DCAF12: variants seen among roughly 807,000 people sequenced by gnomAD.
DCAF12 encodes DDB1 and CUL4 associated factor 12.
A neutral mutation model predicts 52.8 loss-of-function variants in DCAF12; 28 were observed. The ratio of observed to expected loss-of-function variants is 0.53; its 90% CI spans 0.39 to 0.73. The LOEUF (loss-of-function observed/expected upper bound fraction) is 0.73, where lower values mean the gene tolerates loss of function less well. Among genes scored for constraint, DCAF12 ranks in the 30% least tolerant of loss-of-function variants. The pLI is 0.00. For synonymous variants in DCAF12, 196 were observed against 215.5 expected, an observed-to-expected ratio of 0.91 and a Z score of 0.79; for missense variants, 425 against 552.2, an observed-to-expected ratio of 0.77 and a Z score of 2.31.
At position 34,109,742 on chromosome 9, in the gene DCAF12, T is replaced by C. The variant is rs1047925015; in HGVS notation, c.334-2177A>G. 6 of 277,192 alleles carry C rather than the reference T, an allele frequency of 2.2e-5. No homozygotes were observed. In the East Asian group the frequency reaches 3.0e-4, roughly 14 times the overall value. The allele number at this position is 277,192 out of a possible 1,614,324, so 17.2% of individuals were successfully genotyped here. ...CTGTTCATGGCCATTGAGCTGGCCCTGGAAGCTCAGGCAGGTGGTGACCCC... is the reference window on the plus strand; with the variant it reads ...CTGTTCATGGCCATTGAGCTGGCCCCGGAAGCTCAGGCAGGTGGTGACCCC... On this transcript the variant is annotated intron_variant, in intron 2 of 8. Coordinates refer to ENST00000361264, the MANE Select transcript of DCAF12 (RefSeq NM_015397.4).
At chr9:34,115,451 CGGCTGG>C (rs1388936200) in intron 2 of DCAF12, among the ~76,000 whole-genome samples, 22 of 19,364 alleles carry the variant, frequency 1.1e-3, no homozygotes, top group Non-Finnish European at 2.2e-3. Flanking sequence ...ATTAGCCGGG[CGGCTGG>C]GCATGGTGGC....
intron 6 of DCAF12, chr9:34,093,922 G>C: frequency 5.9e-6 from 1 of 168,930 alleles, no homozygotes; most frequent in Non-Finnish European, 1.3e-5. Context: ...ACGCCCATGG[G>C]ACTAGCTTAA....
intron 8 of DCAF12, 130 bp from the exon 9 acceptor site, chr9:34,088,638 A>G: frequency 2.0e-6 from 2 of 1,011,784 alleles, no homozygotes; most frequent in Admixed American, 2.3e-5. Flanking sequence ...TCATGTCAGG[A>G]GATTGGCTGG....
chr9:34,120,144 A>C (rs1206239967), intron 2 of DCAF12, among the ~76,000 whole-genome samples: 1 of 131,926 alleles, frequency 7.6e-6, no homozygotes, highest in Non-Finnish European at 1.6e-5. Flanking sequence ...CGGAGGTTGC[A>C]GTGAGCTGAA....
Position 34,093,441 on chromosome 9 carries a change from G to T in DCAF12, c.869C>A (p.Ser290Tyr), listed in dbSNP as rs1395151004. Residue 290 changes from serine (S) to tyrosine (Y), a missense_variant, in exon 7 of 9, where the codon TCC becomes TAC. By Grantham distance (144) the Ser-to-Tyr change is moderately radical. This residue lies in a region of DCAF12 where 328 missense variants were observed against 444.4 expected (regional missense o/e 0.74). Transcript: ENST00000361264. ...KAENTLSKLL[S>Y]TKLPYCRENV... is the part of the protein sequence containing the mutation. ...CTCACGGCAATATGGCAGTTTGGTG[G>T]AGAGGAGCTGAAAATAGAGGAGAGA... 1.2e-6 allele frequency: 2 copies of T among 1,614,092 alleles called. No homozygotes were observed. Among genetic ancestry groups the T allele is most frequent in the Middle Eastern group, 1.6e-4 (1 of 6,062 alleles).
chr9:34,116,356 A>C (rs1270863744), intron 2 of DCAF12, among the ~76,000 whole-genome samples: 1 of 151,900 alleles, frequency 6.6e-6, no homozygotes, highest in East Asian at 1.9e-4. Context: ...TCAAAAATAA[A>C]TAAATAAATA....
At chr9:34,092,570 C>T (rs2131425741) in intron 7 of DCAF12, among the ~76,000 whole-genome samples, 1 of 152,092 alleles carries the variant, frequency 6.6e-6, no homozygotes, top group East Asian at 1.9e-4. Context: ...CCTGTAGTCC[C>T]ACCTACTCGC....
rs115445413 is a variant in DCAF12 at position 34,088,660 on chromosome 9, G to A, written c.1204-152C>T. 1,512 of 789,152 alleles carry A rather than the reference G, an allele frequency of 1.9e-3. 15 individuals are homozygous for A. The African/African-American group carries it at 0.02, about 10-fold the overall frequency. The allele number at this position is 789,152 out of a possible 1,614,324, so 48.9% of individuals were successfully genotyped here. On this transcript the variant is annotated intron_variant, in intron 8 of 8. Transcript: ENST00000361264. ...AGGAGATTGGCTGGTTGGTTCTCAT[G>A]GGAATCAGGGCCTCATTTTTCCAAC...
intron 2 of DCAF12, among the ~76,000 whole-genome samples, chr9:34,122,473 A>AT (rs762013826): frequency 0.058 from 7,443 of 127,680 alleles, 479 homozygotes; most frequent in African/African-American, 0.13. Flanking sequence ...ATTAGTATCA[A>AT]TTTTTTTTTT....
At chr9:34,103,593 C>T (rs1587735305) in intron 4 of DCAF12, among the ~76,000 whole-genome samples, 1 of 152,072 alleles carries the variant, frequency 6.6e-6, no homozygotes, top group Admixed American at 6.6e-5. Flanking sequence ...GTGGCTCATG[C>T]CTGTAATCCC....
intron 4 of DCAF12, among the ~76,000 whole-genome samples, chr9:34,098,819 A>G (rs1735882510): frequency 6.6e-6 from 1 of 152,016 alleles, no homozygotes; most frequent in Non-Finnish European, 1.5e-5. Flanking sequence ...CCCAGGCTGG[A>G]GTGCAGTGGT....
Position 34,126,631 on chromosome 9 carries a change from G to C in DCAF12, c.-200C>G. ...GAGAGGAAGGACTTGAGCCGGGAAAGGGAAGGGGAAGCGAGAATGAGCGGC... is the reference window on the plus strand; with the variant it reads ...GAGAGGAAGGACTTGAGCCGGGAAACGGAAGGGGAAGCGAGAATGAGCGGC... On this transcript the variant is annotated 5_prime_UTR_variant, in exon 1 of 9. Coordinates refer to ENST00000361264, the MANE Select transcript of DCAF12 (RefSeq NM_015397.4). The C allele has an allele frequency of 1.6e-6, 1 of 621,598 alleles. No individual in the cohort carries two copies. Among genetic ancestry groups the C allele is most frequent in the Non-Finnish European group, 2.7e-6 (1 of 369,114 alleles). 38.5% of individuals were successfully genotyped at this position (621,598 alleles called of 1,614,324 possible).
chr9:34,116,302 A>T (rs1439205283), intron 2 of DCAF12, among the ~76,000 whole-genome samples: 1 of 152,058 alleles, frequency 6.6e-6, no homozygotes, highest in Non-Finnish European at 1.5e-5. Context: ...GGCTGCAGAG[A>T]TCGCGCCACT....
chr9:34,123,580 C>A (rs572418424), intron 2 of DCAF12, among the ~76,000 whole-genome samples: 1 of 152,070 alleles, frequency 6.6e-6, no homozygotes, highest in Non-Finnish European at 1.5e-5. Flanking sequence ...CCCCTTGCCC[C>A]AAACACTAGG....
intron 5 of DCAF12, 45 bp from the exon 6 acceptor site, chr9:34,096,826 C>T (rs1427568229): frequency 6.4e-7 from 1 of 1,554,622 alleles, no homozygotes; most frequent in South Asian, 1.1e-5. Flanking sequence ...TCTATAGCAA[C>T]TAATGTACGA....
chr9:34,103,080 G>A lies in DCAF12; in HGVS notation c.601+3354C>T, dbSNP rs576321929. The stretch of plus-strand genomic sequence containing the variant: ...ACTGCATTCCATCCTGGGTGACAGG[G>A]CGAGACCTTAACTCCAAAAAAAAAA... On this transcript the variant is annotated intron_variant, in intron 4 of 8. Coordinates refer to ENST00000361264, the MANE Select transcript of DCAF12 (RefSeq NM_015397.4). Among the ~76,000 whole-genome samples, 43 of 129,818 alleles carry A rather than the reference G, an allele frequency of 3.3e-4. No homozygotes were observed. In the East Asian group the frequency reaches 9.7e-3, roughly 29 times the overall value. The allele number at this position is 129,818 out of a possible 152,430, so 85.2% of individuals were successfully genotyped here. A position where few individuals can be genotyped will look rare whatever the true frequency, so the allele number is the denominator to read the frequency against.
At chr9:34,089,808 C>G (rs985485634) in intron 7 of DCAF12, 1 of 421,966 alleles carries the variant, frequency 2.4e-6, no homozygotes. Context: ...CTGACAGAAA[C>G]CATCCAAGAA....
chr9:34,090,173 C>T (rs1828622032), intron 7 of DCAF12, among the ~76,000 whole-genome samples: 1 of 152,154 alleles, frequency 6.6e-6, no homozygotes, highest in Non-Finnish European at 1.5e-5. Context: ...AAGCGATTCT[C>T]CTGCCTTAGC....
At position 34,126,393 on chromosome 9, in the gene DCAF12, G is replaced by A. The variant is rs1279807910; in HGVS notation, c.39C>T (p.Pro13=). 1.2e-6 allele frequency: 2 copies of A among 1,610,808 alleles called. No individual in the cohort carries two copies. The highest frequency in any genetic ancestry group is 1.3e-5 in the African/African-American group (1 of 74,912). Residue 13 remains proline, a synonymous_variant, in exon 1 of 9, where the codon CCC becomes CCT. Transcript: ENST00000361264. ...RKVVSRKRKA[P]ASPGAGSDAQ... is the part of the protein sequence containing the mutation. Reference sequence around the variant, plus strand: ...CGTCGCTCCCAGCTCCCGGCGAGGCGGGCGCTTTCCGCTTCCTGCTAACTA... The same window carrying A: ...CGTCGCTCCCAGCTCCCGGCGAGGCAGGCGCTTTCCGCTTCCTGCTAACTA...
Sources: allele counts gnomAD v4.1 joint callset (sites outside exome capture counted in the v4.1 genomes callset), GRCh38; gene constraint gnomAD v4.1.1; regional missense constraint gnomAD v4.1.1; transcripts MANE v1.5; gene names NCBI Gene and HGNC (gene_info 2026-07-23, HGNC 2026-07-21).